The following MMP8 variants were observed in gnomAD, a reference collection of about 807,000 sequenced individuals.
The protein encoded by MMP8 is matrix metallopeptidase 8.
MMP8 carries 67 observed loss-of-function variants against 51.2 expected under a neutral mutation model. That is an observed-to-expected ratio of 1.31 (90% confidence interval 1.08 to 1.60). The LOEUF (loss-of-function observed/expected upper bound fraction) is 1.60. Ranked by LOEUF, MMP8 falls within the 40% of genes most tolerant of loss-of-function variation. The pLI, the probability that MMP8 is intolerant of heterozygous loss-of-function variation, is 0.00. For missense variants in MMP8, 654 were observed against 558.1 expected (o/e 1.17, Z -1.73); for synonymous variants, 225 against 191.0 (o/e 1.18, Z -1.47).
At chr11:102,724,621 A>G (rs980880219) in intron 1 of MMP8, 133 bp downstream of exon 1, 8 of 774,654 alleles carry the variant, frequency 1.0e-5, no homozygotes, top group Non-Finnish European at 1.6e-5. Flanking sequence ...AAATCACTAA[A>G]AGGAGATGTT....
In MMP8 at chr11:102,722,763, G is replaced by T. The variant is rs553405786; in HGVS notation, c.103-90C>A. The stretch of plus-strand genomic sequence containing the variant: ...CAACCCTTTCTAAGTTACTACAGAG[G>T]TCTGATAACTTGACAGCCACAGGAA... On this transcript the variant is annotated intron_variant, in intron 1 of 9. Transcript: ENST00000236826. The T allele has an allele frequency of 4.5e-5, 68 of 1,520,036 alleles. No individual in the cohort carries two copies. In the African/African-American group the frequency reaches 8.7e-4, roughly 20 times the overall value. The allele number at this position is 1,520,036 out of a possible 1,614,324, so 94.2% of individuals were successfully genotyped here. A position where few individuals can be genotyped will look rare whatever the true frequency, so the allele number is the denominator to read the frequency against.
intron 6 of MMP8, 130 bp downstream of exon 6, chr11:102,716,172 T>C (rs375956325): frequency 3.1e-6 from 2 of 640,144 alleles, no homozygotes; most frequent in East Asian, 2.8e-5. Context: ...CCAGAACCTA[T>C]AAAAAATTCC....
chr11:102,723,108 A>T (rs1030306055), intron 1 of MMP8: 1 of 1,226,442 alleles, frequency 8.2e-7, no homozygotes, highest in African/African-American at 1.5e-5. Context: ...ACAGAGAATT[A>T]AGGAATTTTC....
chr11:102,723,013 A>C (rs1861519708), intron 1 of MMP8: 1 of 1,298,216 alleles, frequency 7.7e-7, no homozygotes, highest in Non-Finnish European at 1.0e-6. Flanking sequence ...CTCTTGAGGT[A>C]TTTGTTGCAT....
chr11:102,722,215 T>C (rs1861494219), intron 2 of MMP8, among the ~76,000 whole-genome samples: 1 of 152,068 alleles, frequency 6.6e-6, no homozygotes, highest in South Asian at 2.1e-4. Flanking sequence ...CTTTAGATTG[T>C]TGGAGAAGGA....
rs202150305 is a variant in MMP8, at chr11:102,714,740, C to T, written c.1037-31G>A. 2.4e-4 allele frequency: 296 copies of T among 1,228,484 alleles called. 1 individual carries two copies. The highest frequency in any genetic ancestry group is 1.1e-3 in the South Asian group (54 of 49,228). The allele number at this position is 1,228,484 out of a possible 1,614,324, so 76.1% of individuals were successfully genotyped here. ...AATGATTCAGGTTAAGTGTTAAATA[C>T]GACTTTTCCATTTTTACAAAATTAT... On this transcript the variant is annotated intron_variant, in intron 7 of 9. Coordinates refer to ENST00000236826, the MANE Select transcript of MMP8 (RefSeq NM_002424.3).
chr11:102,717,206 A>C (rs186593632), intron 5 of MMP8, among the ~76,000 whole-genome samples: 1 of 152,224 alleles, frequency 6.6e-6, no homozygotes, highest in East Asian at 1.9e-4. Context: ...TTTTTTAGAG[A>C]GCAGTAAATC....
chr11:102,721,458 C>T lies in MMP8; in HGVS notation c.565G>A (p.Gly189Ser), dbSNP rs1289766813. The stretch of plus-strand genomic sequence containing the variant: ...TCAAAATGAGCATCTCCTCCAATAC[C>T]TTGGCCTGGCTGAAAGGCATGAGCA... ...ILAHAFQPGQ[G>S]IGGDAHFDAE... is the part of the protein sequence containing the mutation. The change falls in exon 4 of 10, where the codon GGT becomes AGT. Residue 189 changes from glycine (G) to serine (S), a missense_variant. Gly to Ser is a moderately conservative substitution (Grantham distance 56). Transcript: ENST00000236826. The T allele has an allele frequency of 6.2e-7, 1 of 1,613,778 alleles. No homozygotes were observed. Among genetic ancestry groups the T allele is most frequent in the Non-Finnish European group, 8.5e-7 (1 of 1,179,820 alleles).
chr11:102,719,103 T>G (rs1455720842), intron 4 of MMP8, among the ~76,000 whole-genome samples: 9 of 152,236 alleles, frequency 5.9e-5, no homozygotes, highest in Non-Finnish European at 1.5e-5. Context: ...CTTTCTAAGA[T>G]GCTCTAGGAA....
Position 102,718,490 on chromosome 11 carries a change from A to C in MMP8, c.708T>G (p.Tyr236Ter), listed in dbSNP as rs749785096. The change falls in exon 5 of 10, where the codon TAT becomes TAG. Residue 236 changes from tyrosine to a stop codon, truncating the protein, a stop_gained. Transcript: ENST00000236826. LOFTEE classifies it high-confidence loss of function. ...TGGTTTCCCTGAAAGCATAGTTGGG[A>C]TACATCAAGGCACCAGGGTCAGAGG... Reference protein sequence around the residue: ...AHSSDPGALMYPNYAFRETSN... With the variant: ...AHSSDPGALM 8 of 1,613,782 alleles carry C rather than the reference A, an allele frequency of 5.0e-6. No individual in the cohort carries two copies. Among genetic ancestry groups the C allele is most frequent in the Non-Finnish European group, 5.9e-6 (7 of 1,179,918 alleles).
Position 102,713,239 on chromosome 11 carries a change from C to A in MMP8, c.*109G>T. On this transcript the variant is annotated 3_prime_UTR_variant, in exon 10 of 10. Transcript: ENST00000236826. Reference sequence around the variant, plus strand: ...GTAGAATGGATACAGTGATGGGAAACAATGACTTAATATTGAGAAAAGTAT... The same window carrying A: ...GTAGAATGGATACAGTGATGGGAAAAAATGACTTAATATTGAGAAAAGTAT... 1.4e-6 allele frequency: 1 copy of A among 723,812 alleles called. No individual in the cohort carries two copies. The highest frequency in any genetic ancestry group is 2.4e-6 in the Non-Finnish European group (1 of 414,102). The allele number at this position is 723,812 out of a possible 1,614,324, so 44.8% of individuals were successfully genotyped here.
chr11:102,716,745 T>G (rs1196804679), intron 5 of MMP8, among the ~76,000 whole-genome samples: 1 of 152,208 alleles, frequency 6.6e-6, no homozygotes, highest in Non-Finnish European at 1.5e-5. Context: ...TCTGCTTTTT[T>G]GGTCACTCAG....
rs1322899942 is a variant in MMP8, at chr11:102,718,544, T to C, written c.654A>G (p.Glu218=). The C allele has an allele frequency of 6.2e-7, 1 of 1,613,860 alleles. No homozygotes were observed. Among genetic ancestry groups the C allele is most frequent in the Non-Finnish European group, 8.5e-7 (1 of 1,179,852 alleles). The change falls in exon 5 of 10, where the codon GAA becomes GAG. Residue 218 remains glutamate (E), a synonymous_variant. Transcript: ENST00000236826. ...GAGCGAGCCCCAAAGAATGGCCAAATTCATGAGCAGCAACAAGAAACAAGT... is the reference window on the plus strand; with the variant it reads ...GAGCGAGCCCCAAAGAATGGCCAAACTCATGAGCAGCAACAAGAAACAAGT... ...NYNLFLVAAH[E]FGHSLGLAHS...
Position 102,716,427 on chromosome 11 carries a change from A to T in MMP8, c.785-8T>A. 5.7e-6 allele frequency: 7 copies of T among 1,219,666 alleles called. No homozygotes were observed. The highest frequency in any genetic ancestry group is 3.7e-5 in the East Asian group (1 of 26,872). 75.6% of individuals were successfully genotyped at this position (1,219,666 alleles called of 1,614,324 possible). ...TAGGGTTGCTTGAAAGTCCTGGAAAAAAAAAAAAAAAAAAAAAAAAGGTCT... is the reference window on the plus strand; with the variant it reads ...TAGGGTTGCTTGAAAGTCCTGGAAATAAAAAAAAAAAAAAAAAAAAGGTCT... On this transcript the variant is annotated splice_polypyrimidine_tract_variant and splice_region_variant and intron_variant, in intron 5 of 9. Transcript: ENST00000236826.
At chr11:102,718,291 G>C (rs544895320) in intron 5 of MMP8, 123 bp downstream of exon 5, 1 of 1,032,058 alleles carries the variant, frequency 9.7e-7, no homozygotes, top group African/African-American at 1.6e-5. Context: ...TATTACTGGG[G>C]AAATTCAGAG....
Position 102,718,528 on chromosome 11 carries a change from C to T in MMP8, c.670G>A (p.Gly224Arg), listed in dbSNP as rs1220547617. ...VAAHEFGHSL[G>R]LAHSSDPGAL... ...CCAGGGTCAGAGGAGTGAGCGAGCC[C>T]CAAAGAATGGCCAAATTCATGAGCA... The change falls in exon 5 of 10, where the codon GGG becomes AGG. Residue 224 changes from glycine to arginine, a missense_variant. By Grantham distance (125) the Gly-to-Arg change is moderately radical. Coordinates refer to ENST00000236826, the MANE Select transcript of MMP8 (RefSeq NM_002424.3). 1 of 1,613,680 alleles carries T rather than the reference C, an allele frequency of 6.2e-7. No homozygotes were observed. The highest frequency in any genetic ancestry group is 1.3e-5 in the African/African-American group (1 of 74,858).
At chr11:102,721,073 G>C (rs910371308) in intron 4 of MMP8, among the ~76,000 whole-genome samples, 2 of 152,158 alleles carry the variant, frequency 1.3e-5, no homozygotes, top group African/African-American at 4.8e-5. Flanking sequence ...AGCCATTTAT[G>C]ATATAGAAAC....
chr11:102,721,429 G>A lies in MMP8; in HGVS notation c.594C>T (p.Ala198=), dbSNP rs11602288. ...QGIGGDAHFD[A]EETWTNTSAN... ...CGGAGGTGTTGGTCCATGTTTCTTC[G>A]GCATCAAAATGAGCATCTCCTCCAA... Residue 198 remains alanine, a synonymous_variant, in exon 4 of 10, where the codon GCC becomes GCT. Coordinates refer to ENST00000236826, the MANE Select transcript of MMP8 (RefSeq NM_002424.3). The A allele has an allele frequency of 0.012, 19,928 of 1,613,442 alleles. 185 individuals are homozygous for A. Among genetic ancestry groups the A allele is most frequent in the Middle Eastern group, 0.026 (159 of 6,058 alleles).
chr11:102,719,770 G>A (rs1010143561), intron 4 of MMP8, among the ~76,000 whole-genome samples: 11 of 152,232 alleles, frequency 7.2e-5, no homozygotes, highest in Non-Finnish European at 1.6e-4. Context: ...TGGGCAATTT[G>A]TTGTGGTTCT....
Sources: allele counts gnomAD v4.1 joint callset (sites outside exome capture counted in the v4.1 genomes callset), GRCh38; gene constraint gnomAD v4.1.1; transcripts MANE v1.5; gene names NCBI Gene and HGNC (gene_info 2026-07-23, HGNC 2026-07-21).